APOL6: variants seen among roughly 807,000 people sequenced by gnomAD.
APOL6 encodes the protein apolipoprotein L6, also known as apolipoprotein L, 6.
A neutral mutation model predicts 2.4 loss-of-function variants in APOL6; 1 was observed. The ratio of observed to expected loss-of-function variants is 0.41; its 90% CI spans 0.15 to 1.94. APOL6 has a LOEUF of 1.94. APOL6 is among the 30% of genes most tolerant of loss of function. The pLI, the probability that APOL6 is intolerant of heterozygous loss-of-function variation, is 0.30. For missense variants in APOL6, 438 were observed against 429.2 expected, an observed-to-expected ratio of 1.02 and a Z score of -0.18; for synonymous variants, 189 against 169.3, an observed-to-expected ratio of 1.12 and a Z score of -0.90.
In APOL6 at chr22:35,660,858, G is replaced by A. The variant is rs939132377; in HGVS notation, c.*1262G>A. On this transcript the variant is annotated 3_prime_UTR_variant, in exon 3 of 3. Coordinates refer to ENST00000409652, the MANE Select transcript of APOL6 (RefSeq NM_030641.4). Reference sequence around the variant, plus strand: ...GCTCCACTTCTTTATACTATTGGAGGGGTAGAAGGAACTTCCTTTCTAGAC... The same window carrying A: ...GCTCCACTTCTTTATACTATTGGAGAGGTAGAAGGAACTTCCTTTCTAGAC... 3 of 152,204 alleles carry A rather than the reference G, an allele frequency of 2.0e-5. No individual in the cohort carries two copies. Among genetic ancestry groups the A allele is most frequent in the Non-Finnish European group, 2.9e-5 (2 of 68,056 alleles). 9.4% of individuals were successfully genotyped at this position (152,204 alleles called of 1,614,324 possible).
intron 1 of APOL6, among the ~76,000 whole-genome samples, chr22:35,654,920 AG>A (rs905051412): frequency 6.6e-6 from 1 of 152,198 alleles, no homozygotes; most frequent in African/African-American, 2.4e-5. Context: ...AGGAGAATAA[AG>A]GTTAACCACT....
At position 35,662,207 on chromosome 22, in the gene APOL6, T is replaced by G. The variant is rs1218509149; in HGVS notation, c.*2611T>G. On this transcript the variant is annotated 3_prime_UTR_variant, in exon 3 of 3. Transcript: ENST00000409652. ...GGCAGCAGTGGGTCAGAGATAGACC[T>G]TTGTTCTCTTATTTCTGAGGCCCTT... 1 of 152,158 alleles carries G rather than the reference T, an allele frequency of 6.6e-6. No individual in the cohort carries two copies. The highest frequency in any genetic ancestry group is 1.5e-5 in the Non-Finnish European group (1 of 68,042). The allele number at this position is 152,158 out of a possible 1,614,324, so 9.4% of individuals were successfully genotyped here. A position where few individuals can be genotyped will look rare whatever the true frequency, so the allele number is the denominator to read the frequency against.
Position 35,655,509 on chromosome 22 carries a change from T to C in APOL6, c.-47-870T>C, listed in dbSNP as rs543351696. Among the ~76,000 whole-genome samples the C allele has an allele frequency of 7.9e-5, 12 of 152,318 alleles. 1 individual carries two copies. In the South Asian group the frequency reaches 2.5e-3, roughly 32 times the overall value. On this transcript the variant is annotated intron_variant, in intron 1 of 2. Coordinates refer to ENST00000409652, the MANE Select transcript of APOL6 (RefSeq NM_030641.4). ...TTTGATTTCTTTCACTCAATAATAA[T>C]GTCTGTGAAATTATTCCATGTTGTT...
intron 2 of APOL6, 60 bp downstream of exon 2, chr22:35,656,535 T>A: frequency 6.3e-7 from 1 of 1,588,360 alleles, no homozygotes; most frequent in Non-Finnish European, 8.6e-7. Context: ...GCTGCAGGCA[T>A]CCTCACGATA....
chr22:35,660,395 A>C lies in APOL6; in HGVS notation c.*799A>C, dbSNP rs1924989924. ...AGAAGAGAGCCCTCACCAGGAACTG[A>C]ATAAGTCAGTCAGTCTGGGACTTCC... On this transcript the variant is annotated 3_prime_UTR_variant, in exon 3 of 3. Coordinates refer to ENST00000409652, the MANE Select transcript of APOL6 (RefSeq NM_030641.4). 1 of 152,270 alleles carries C rather than the reference A, an allele frequency of 6.6e-6. No individual in the cohort carries two copies. The highest frequency in any genetic ancestry group is 6.5e-5 in the Admixed American group (1 of 15,284). 9.4% of individuals were successfully genotyped at this position (152,270 alleles called of 1,614,324 possible).
In APOL6 at chr22:35,658,928, G is replaced by A. The variant is rs761340876; in HGVS notation, c.364G>A (p.Val122Ile). The change falls in exon 3 of 3, where the codon GTC becomes ATC. Residue 122 changes from valine to isoleucine, a missense_variant. By Grantham distance (29) the Val-to-Ile change is conservative. Coordinates refer to ENST00000409652, the MANE Select transcript of APOL6 (RefSeq NM_030641.4). Reference sequence around the variant, plus strand: ...TCAAGGTTTGGCAACAGCAGCTGGGGTCACCAGCATCGTGAGTGGTACGTT... The same window carrying A: ...TCAAGGTTTGGCAACAGCAGCTGGGATCACCAGCATCGTGAGTGGTACGTT... The part of the protein sequence containing the change: ...AGQGLATAAG[V>I]TSIVSGTLER... 5 of 1,613,830 alleles carry A rather than the reference G, an allele frequency of 3.1e-6. No individual in the cohort carries two copies. The African/African-American group carries it at 6.7e-5, about 22-fold the overall frequency.
rs777093371 is a variant in APOL6, at chr22:35,662,967, C to T, written c.*3371C>T. On this transcript the variant is annotated 3_prime_UTR_variant, in exon 3 of 3. Coordinates refer to ENST00000409652, the MANE Select transcript of APOL6 (RefSeq NM_030641.4). The stretch of plus-strand genomic sequence containing the variant: ...CTCTTTTTTTGGAGTTTTACTTGCT[C>T]CCAACAAGGAAGGCAAGTTTTCCTG... 3 of 151,990 alleles carry T rather than the reference C, an allele frequency of 2.0e-5. No homozygotes were observed. The highest frequency in any genetic ancestry group is 4.4e-5 in the Non-Finnish European group (3 of 67,996). The allele number at this position is 151,990 out of a possible 1,614,324, so 9.4% of individuals were successfully genotyped here. A position where few individuals can be genotyped will look rare whatever the true frequency, so the allele number is the denominator to read the frequency against.
At chr22:35,655,013 C>A (rs1924806420) in intron 1 of APOL6, among the ~76,000 whole-genome samples, 1 of 152,062 alleles carries the variant, frequency 6.6e-6, no homozygotes, top group Non-Finnish European at 1.5e-5. Context: ...TTCTTTCTAT[C>A]CTTCATTTCC....
In APOL6 at chr22:35,661,835, A is replaced by G. The variant is rs1925036341; in HGVS notation, c.*2239A>G. On this transcript the variant is annotated 3_prime_UTR_variant, in exon 3 of 3. Transcript: ENST00000409652. Reference sequence around the variant, plus strand: ...ACACAGCACACTTAGGGTACACAAAATGCATATTAAAACATTTTCTTCCTT... The same window carrying G: ...ACACAGCACACTTAGGGTACACAAAGTGCATATTAAAACATTTTCTTCCTT... 6.6e-6 allele frequency: 1 copy of G among 152,168 alleles called. No homozygotes were observed. Among genetic ancestry groups the G allele is most frequent in the African/African-American group, 2.4e-5 (1 of 41,430 alleles). 9.4% of individuals were successfully genotyped at this position (152,168 alleles called of 1,614,324 possible). A position where few individuals can be genotyped will look rare whatever the true frequency, so the allele number is the denominator to read the frequency against.
In APOL6 at chr22:35,663,531, T is replaced by C. The variant is rs1417417359; in HGVS notation, c.*3935T>C. 1.3e-4 allele frequency: 19 copies of C among 150,666 alleles called. No individual in the cohort carries two copies. In the South Asian group the frequency reaches 3.4e-3, roughly 27 times the overall value. The allele number at this position is 150,666 out of a possible 1,614,324, so 9.3% of individuals were successfully genotyped here. On this transcript the variant is annotated 3_prime_UTR_variant, in exon 3 of 3. Coordinates refer to ENST00000409652, the MANE Select transcript of APOL6 (RefSeq NM_030641.4). Reference sequence around the variant, plus strand: ...GTAGCAAAAGTTTTTTTTTTTTTTTTCCTTTTACTTCTCAGTTGACTGAAT... The same window carrying C: ...GTAGCAAAAGTTTTTTTTTTTTTTTCCCTTTTACTTCTCAGTTGACTGAAT...
chr22:35,653,553 T>G (rs972436758), intron 1 of APOL6, among the ~76,000 whole-genome samples: 3 of 152,212 alleles, frequency 2.0e-5, no homozygotes, highest in Non-Finnish European at 4.4e-5. Flanking sequence ...ATAGCTCTTA[T>G]TATTTTGAGA....
At chr22:35,658,071 CA>C (rs1924895211) in intron 2 of APOL6, among the ~76,000 whole-genome samples, 1 of 152,110 alleles carries the variant, frequency 6.6e-6, no homozygotes, top group Admixed American at 6.5e-5. Context: ...CTGATAGAAG[CA>C]AAGACACACC....
In APOL6 at chr22:35,659,503, C is replaced by A; in HGVS notation, c.939C>A (p.Thr313=). The A allele has an allele frequency of 6.2e-7, 1 of 1,614,042 alleles. No individual in the cohort carries two copies. Among genetic ancestry groups the A allele is most frequent in the Non-Finnish European group, 8.5e-7 (1 of 1,180,002 alleles). The change falls in exon 3 of 3, where the codon ACC becomes ACA. Residue 313 remains threonine, a synonymous_variant. Transcript: ENST00000409652. ...AGGATTTAACTGGGACCTGCGAAAC[C>A]GAGGCTTACTGGAAGGAGTTAAGGG... ...VGKDLTGTCE[T]EAYWKELREH... is the part of the protein sequence containing the mutation.
chr22:35,649,664 G>A (rs554658145), intron 1 of APOL6, among the ~76,000 whole-genome samples: 1 of 151,946 alleles, frequency 6.6e-6, no homozygotes, highest in South Asian at 2.1e-4. Context: ...CCAAGAGCAG[G>A]TCAGAGGGGA....
At chr22:35,653,321 T>C (rs1924749469) in intron 1 of APOL6, among the ~76,000 whole-genome samples, 2 of 152,230 alleles carry the variant, frequency 1.3e-5, no homozygotes, top group South Asian at 4.1e-4. Context: ...GTTTTCTAGA[T>C]ATACAATCAT....
intron 1 of APOL6, among the ~76,000 whole-genome samples, chr22:35,655,422 T>G (rs2145955487): frequency 6.6e-6 from 1 of 152,316 alleles, no homozygotes. Context: ...GAAACCTCGA[T>G]TCTGACTTCT....
intron 2 of APOL6, among the ~76,000 whole-genome samples, chr22:35,658,255 T>C (rs1417016936): frequency 6.6e-6 from 1 of 152,192 alleles, no homozygotes; most frequent in Non-Finnish European, 1.5e-5. Flanking sequence ...CCAAGTTCTT[T>C]ATCTTGAGTG....
chr22:35,658,423 T>C (rs887080139), intron 2 of APOL6, among the ~76,000 whole-genome samples, 192 bp from the exon 3 acceptor site: 1 of 152,174 alleles, frequency 6.6e-6, no homozygotes, highest in Non-Finnish European at 1.5e-5. Flanking sequence ...CTCTTATGTG[T>C]TTCTTTTTTC....
intron 2 of APOL6, 90 bp from the exon 3 acceptor site, chr22:35,658,525 C>T (rs35675903): frequency 0.081 from 94,909 of 1,173,726 alleles, 4,250 homozygotes; most frequent in Non-Finnish European, 0.095. Flanking sequence ...AGGGAGGATT[C>T]GAAGCTGAGA....
Sources: gnomAD v4.1 joint callset for allele counts (sites outside exome capture counted in the v4.1 genomes callset) on GRCh38, gnomAD v4.1.1 for gene constraint, MANE v1.5 for transcripts, NCBI Gene and HGNC (gene_info 2026-07-23, HGNC 2026-07-21) for gene names.